OTOG: variants seen among roughly 807,000 people sequenced by gnomAD.
OTOG encodes otogelin.
Under a neutral mutation model 313.8 loss-of-function variants are expected in OTOG, and 296 were observed. That is an observed-to-expected ratio of 0.94 (90% confidence interval 0.86 to 1.04). The LOEUF (loss-of-function observed/expected upper bound fraction) is 1.04, where lower values mean the gene tolerates loss of function less well. Among genes scored for constraint, OTOG ranks in the 50% least tolerant of loss-of-function variants. The probability of loss-of-function intolerance (pLI) is 0.00; values close to 1 mark genes in which losing one functional copy is unlikely to be tolerated. For synonymous variants in OTOG, 1,533 were observed against 1,554.9 expected (o/e 0.99, Z 0.33); for missense variants, 3,948 against 3,840.1 (o/e 1.03, Z -0.74).
At position 17,597,005 on chromosome 11, in the gene OTOG, G is replaced by A. The variant is rs1853126777; in HGVS notation, c.3680G>A (p.Cys1227Tyr). The change falls in exon 30 of 56, where the codon TGC becomes TAC. Residue 1227 changes from cysteine to tyrosine, a missense_variant and splice_region_variant. By Grantham distance (194) the Cys-to-Tyr change is radical. Coordinates refer to ENST00000399397, the MANE Select transcript of OTOG (RefSeq NM_001292063.2). ...VAVDWRTPRL[C>Y]PYDCDFFNKV... ...GTTGACTGGCGAACCCCCCGCCTCT[G>A]CCGTGAGTGTCCCAGACAATCACCT... is the stretch of plus-strand genomic sequence containing the variant. 3 of 1,549,996 alleles carry A rather than the reference G, an allele frequency of 1.9e-6. No individual in the cohort carries two copies. The highest frequency in any genetic ancestry group is 2.6e-6 in the Non-Finnish European group (3 of 1,146,962).
intron 15 of OTOG, among the ~76,000 whole-genome samples, chr11:17,562,696 C>T (rs1257330045): frequency 1.3e-5 from 2 of 152,114 alleles, no homozygotes; most frequent in African/African-American, 4.8e-5. Context: ...ATGGAGTGGG[C>T]CTCAGTGTTT....
intron 39 of OTOG, among the ~76,000 whole-genome samples, chr11:17,625,949 C>T (rs1164734698): frequency 1.3e-5 from 2 of 150,022 alleles, no homozygotes; most frequent in African/African-American, 4.9e-5. Context: ...AGATTTAAGT[C>T]TTTAATCCAT....
At chr11:17,593,084 T>C (rs1330358279) in intron 25 of OTOG, 109 bp from the exon 26 acceptor site, 6 of 1,127,762 alleles carry the variant, frequency 5.3e-6, no homozygotes, top group African/African-American at 1.6e-5. Context: ...TAACACAAAG[T>C]AGAAGTGGAC....
intron 48 of OTOG, chr11:17,638,808 C>G: frequency 6.8e-7 from 1 of 1,467,174 alleles, no homozygotes; most frequent in Non-Finnish European, 9.1e-7. Flanking sequence ...TTAAAAAGTC[C>G]TTACTGCGGC....
chr11:17,639,574 T>C (rs941675876), intron 49 of OTOG, 111 bp downstream of exon 49: 13 of 1,179,038 alleles, frequency 1.1e-5, no homozygotes, highest in African/African-American at 3.0e-5. Context: ...GAACCCGGGG[T>C]TGCAAGTCAG....
intron 31 of OTOG, among the ~76,000 whole-genome samples, chr11:17,600,684 G>A (rs1287354973): frequency 6.6e-6 from 1 of 152,210 alleles, no homozygotes; most frequent in Non-Finnish European, 1.5e-5. Context: ...CCTTCAATTG[G>A]TAAAGGAATG....
Position 17,574,856 on chromosome 11 carries a change from C to A in OTOG, c.2430C>A (p.Gly810=). The change falls in exon 20 of 56, where the codon GGC becomes GGA. Residue 810 remains glycine, a synonymous_variant. Transcript: ENST00000399397. ...TGAGCAGAGACGAGTGTGTGGAGGG[C>A]TGTGCCTGCCCACCGGACACCTATC... The part of the protein sequence containing the change: ...DDLSRDECVE[G]CACPPDTYLD... 1 of 1,546,722 alleles carries A rather than the reference C, an allele frequency of 6.5e-7. No individual in the cohort carries two copies. The highest frequency in any genetic ancestry group is 1.2e-5 in the South Asian group (1 of 83,440).
At chr11:17,607,182 T>G (rs550040865) in intron 33 of OTOG, among the ~76,000 whole-genome samples, 2 of 152,350 alleles carry the variant, frequency 1.3e-5, no homozygotes, top group African/African-American at 4.8e-5. Flanking sequence ...ACATAGTAGG[T>G]GCTCCCCAAA....
chr11:17,578,170 C>T, intron 22 of OTOG: 1 of 1,188,058 alleles, frequency 8.4e-7, no homozygotes, highest in South Asian at 2.9e-5. Flanking sequence ...CTGGTGGCCG[C>T]AGTCTTATTG....
At chr11:17,611,802 CT>C (rs1243078489) in intron 36 of OTOG, among the ~76,000 whole-genome samples, 1 of 144,700 alleles carries the variant, frequency 6.9e-6, no homozygotes, top group South Asian at 2.3e-4. Context: ...ATCTTTGTGC[CT>C]TTGTGAGAAA....
At position 17,610,120 on chromosome 11, in the gene OTOG, C is replaced by T. The variant is rs867891665; in HGVS notation, c.4820C>T (p.Ser1607Leu). ...CCTAACATCACAGTCTCCTCCCGGTCGCCCCCTGCCCCTCGCTTCCCGCTC... is the reference window on the plus strand; with the variant it reads ...CCTAACATCACAGTCTCCTCCCGGTTGCCCCCTGCCCCTCGCTTCCCGCTC... ...GSPNITVSSRSPPAPRFPLMT... is the reference protein window; with the variant it reads ...GSPNITVSSRLPPAPRFPLMT... Residue 1607 changes from serine (S) to leucine (L), a missense_variant, in exon 36 of 56, where the codon TCG (serine) becomes TTG (leucine). By Grantham distance (145) the Ser-to-Leu change is moderately radical (BLOSUM62 -2). Coordinates refer to ENST00000399397, the MANE Select transcript of OTOG (RefSeq NM_001292063.2). 2.7e-5 allele frequency: 42 copies of T among 1,550,468 alleles called. No individual in the cohort carries two copies. The highest frequency in any genetic ancestry group is 2.2e-4 in the African/African-American group (16 of 73,014).
chr11:17,635,388 A>C (rs1468676111), intron 46 of OTOG, among the ~76,000 whole-genome samples: 2 of 152,148 alleles, frequency 1.3e-5, no homozygotes, highest in African/African-American at 2.4e-5. Context: ...ATTACTAAGC[A>C]CGAGGAAACT....
intron 15 of OTOG, among the ~76,000 whole-genome samples, chr11:17,562,612 C>T (rs1320033905): frequency 1.3e-5 from 2 of 152,034 alleles, no homozygotes; most frequent in Non-Finnish European, 2.9e-5. Flanking sequence ...AAGCTCAAAA[C>T]AATGTTAGAA....
At chr11:17,611,699 TTGTGTTCACA>T (rs1200213107) in intron 36 of OTOG, among the ~76,000 whole-genome samples, 1 of 152,220 alleles carries the variant, frequency 6.6e-6, no homozygotes, top group East Asian at 1.9e-4. Flanking sequence ...CTGTGTGTGT[TTGTGTTCACA>T]TGTGTGAGAA....
chr11:17,548,607 A>C (rs1851863782), intron 3 of OTOG, among the ~76,000 whole-genome samples: 1 of 151,874 alleles, frequency 6.6e-6, no homozygotes, highest in Admixed American at 6.6e-5. Context: ...GCTCCTCTCC[A>C]TACCCTGAGC....
At chr11:17,554,592 C>T (rs532861650) in intron 6 of OTOG, among the ~76,000 whole-genome samples, 1 of 152,322 alleles carries the variant, frequency 6.6e-6, no homozygotes, top group Admixed American at 6.5e-5. Flanking sequence ...TGGGGAGACC[C>T]CAGTGTTCAG....
intron 24 of OTOG, among the ~76,000 whole-genome samples, 164 bp downstream of exon 24, chr11:17,586,745 T>C (rs762376539): frequency 2.0e-5 from 3 of 152,218 alleles, no homozygotes; most frequent in Non-Finnish European, 2.9e-5. Context: ...CACATAGGAG[T>C]ATATGCATAC....
chr11:17,563,378 A>C (rs543587236), intron 15 of OTOG, among the ~76,000 whole-genome samples: 1 of 152,224 alleles, frequency 6.6e-6, no homozygotes, highest in Admixed American at 6.5e-5. Context: ...GTGAGCAGGC[A>C]TCAGCTGAAG....
intron 13 of OTOG, 61 bp downstream of exon 13, chr11:17,560,878 G>A: frequency 1.4e-6 from 2 of 1,415,300 alleles, no homozygotes; most frequent in Non-Finnish European, 9.8e-7. Flanking sequence ...TTCCACGAGG[G>A]CTGCCCATCT....
Sources: gnomAD v4.1 joint callset for allele counts (sites outside exome capture counted in the v4.1 genomes callset) on GRCh38, gnomAD v4.1.1 for gene constraint, MANE v1.5 for transcripts, NCBI Gene and HGNC (gene_info 2026-07-23, HGNC 2026-07-21) for gene names.